The following PTPRD variants were observed in gnomAD, a reference collection of about 807,000 sequenced individuals.
PTPRD encodes the protein protein tyrosine phosphatase receptor type D, also known as receptor-type tyrosine-protein phosphatase delta.
Under a neutral mutation model 214.5 loss-of-function variants are expected in PTPRD, and 34 were observed. The ratio of observed to expected loss-of-function variants is 0.16; its 90% CI spans 0.12 to 0.21. PTPRD has a LOEUF of 0.21. Among genes scored for constraint, PTPRD ranks in the 10% least tolerant of loss-of-function variants. The pLI, the probability that PTPRD is intolerant of heterozygous loss-of-function variation, is 1.00. For missense variants in PTPRD, 2,545 were observed against 2,398.7 expected, an observed-to-expected ratio of 1.06 and a Z score of -1.27; for synonymous variants, 1,128 against 845.7, an observed-to-expected ratio of 1.33 and a Z score of -5.79.
intron 9 of PTPRD, among the ~76,000 whole-genome samples, chr9:9,373,436 T>A (rs867809621): frequency 6.6e-6 from 1 of 152,100 alleles, no homozygotes; most frequent in African/African-American, 2.4e-5. Context: ...ATTAGTGGCT[T>A]AAAGCAATAG....
At position 8,485,784 on chromosome 9, in the gene PTPRD, G is replaced by C. The variant is rs2096989345; in HGVS notation, c.3033C>G (p.Phe1011Leu). ...GPGPYSPSVQ[F>L]RTLPVDQVFA... ...TACCTTGATCCACAGGCAGTGTCCT[G>C]AACTGGACACTGGGACTATATGGCC... The change falls in exon 28 of 46, where the codon TTC (phenylalanine) becomes TTG (leucine). Residue 1011 changes from phenylalanine to leucine, a missense_variant. Phe to Leu is a conservative substitution (Grantham distance 22). Transcript: ENST00000381196. 1 of 1,613,342 alleles carries C rather than the reference G, an allele frequency of 6.2e-7. No individual in the cohort carries two copies. The highest frequency in any genetic ancestry group is 8.5e-7 in the Non-Finnish European group (1 of 1,179,882).
intron 10 of PTPRD, among the ~76,000 whole-genome samples, chr9:9,110,118 T>C (rs926017776): frequency 6.6e-6 from 1 of 152,146 alleles, no homozygotes; most frequent in Non-Finnish European, 1.5e-5. Flanking sequence ...AGGAATCGTA[T>C]TGTAGTCTCA....
At chr9:9,718,328 A>G (rs919767128) in intron 7 of PTPRD, among the ~76,000 whole-genome samples, 3 of 152,230 alleles carry the variant, frequency 2.0e-5, no homozygotes, top group African/African-American at 7.2e-5. Context: ...GAAGTAAAAA[A>G]TAAACACTGA....
chr9:9,045,296 G>A (rs1221752937), intron 10 of PTPRD, among the ~76,000 whole-genome samples: 1 of 152,154 alleles, frequency 6.6e-6, no homozygotes, highest in African/African-American at 2.4e-5. Context: ...ATTAGAGGAT[G>A]CTCTTCATTC....
intron 5 of PTPRD, among the ~76,000 whole-genome samples, chr9:9,792,720 T>C (rs562947198): frequency 6.6e-6 from 1 of 152,268 alleles, no homozygotes; most frequent in East Asian, 1.9e-4. Context: ...AAAATCAGAA[T>C]GCAAATGGCC....
chr9:8,521,678 A>C, intron 19 of PTPRD, 132 bp from the exon 20 acceptor site: 1 of 991,724 alleles, frequency 1.0e-6, no homozygotes, highest in Non-Finnish European at 1.5e-6. Flanking sequence ...ACAAAACATA[A>C]AGAAAAACTG....
chr9:9,283,376 T>G (rs773900959), intron 9 of PTPRD, among the ~76,000 whole-genome samples: 7 of 151,548 alleles, frequency 4.6e-5, no homozygotes, highest in Non-Finnish European at 8.9e-5. Context: ...AGATCTTTCA[T>G]TTCCCAGGAG....
At chr9:9,902,057 G>T (rs2076525655) in intron 5 of PTPRD, among the ~76,000 whole-genome samples, 1 of 152,094 alleles carries the variant, frequency 6.6e-6, no homozygotes, top group African/African-American at 2.4e-5. Flanking sequence ...AATAGGTCTG[G>T]TAAATACCTA....
At chr9:9,666,472 C>T (rs1443319575) in intron 7 of PTPRD, among the ~76,000 whole-genome samples, 1 of 151,890 alleles carries the variant, frequency 6.6e-6, no homozygotes. Context: ...GTTTGTGTGG[C>T]TTTTACTTTC....
intron 4 of PTPRD, among the ~76,000 whole-genome samples, chr9:10,013,088 A>G (rs1397376200): frequency 1.3e-5 from 2 of 151,956 alleles, no homozygotes; most frequent in Non-Finnish European, 2.9e-5. Context: ...CTTCAATTAC[A>G]CAAATTCAAA....
intron 39 of PTPRD, among the ~76,000 whole-genome samples, chr9:8,350,125 G>T (rs193180238): frequency 5.2e-4 from 79 of 152,016 alleles, no homozygotes; most frequent in Non-Finnish European, 8.8e-4. Context: ...AGTTGAAACG[G>T]GCTTAATGTC....
chr9:8,816,938 C>T (rs919499920), intron 11 of PTPRD, among the ~76,000 whole-genome samples: 1 of 152,214 alleles, frequency 6.6e-6, no homozygotes, highest in African/African-American at 2.4e-5. Context: ...CAAACCTGTG[C>T]TTCAGATACA....
At chr9:9,400,695 G>A (rs186548229) in intron 8 of PTPRD, among the ~76,000 whole-genome samples, 98 of 152,058 alleles carry the variant, frequency 6.4e-4, no homozygotes, top group Non-Finnish European at 8.7e-4. Flanking sequence ...AGAGAAGAAG[G>A]AAGATACTGT....
intron 11 of PTPRD, among the ~76,000 whole-genome samples, chr9:8,763,259 C>T (rs1565878013): frequency 6.6e-6 from 1 of 152,134 alleles, no homozygotes; most frequent in Non-Finnish European, 1.5e-5. Flanking sequence ...TGCCTGTAAT[C>T]CCAGCACTTT....
At chr9:9,908,322 G>A (rs1407861519) in intron 5 of PTPRD, among the ~76,000 whole-genome samples, 1 of 151,916 alleles carries the variant, frequency 6.6e-6, no homozygotes, top group Non-Finnish European at 1.5e-5. Context: ...GGTATAAAGG[G>A]GGAGTGTCAA....
chr9:9,113,663 C>G (rs979754075), intron 10 of PTPRD, among the ~76,000 whole-genome samples: 1 of 152,048 alleles, frequency 6.6e-6, no homozygotes, highest in Non-Finnish European at 1.5e-5. Flanking sequence ...TCAATCATAC[C>G]TCTGCATCTG....
At chr9:8,935,267 A>G (rs185606616) in intron 11 of PTPRD, among the ~76,000 whole-genome samples, 1 of 152,342 alleles carries the variant, frequency 6.6e-6, no homozygotes, top group African/African-American at 2.4e-5. Flanking sequence ...TGCAGAATAC[A>G]AAATCAGTAT....
At chr9:8,639,118 G>A (rs2096516696) in intron 12 of PTPRD, among the ~76,000 whole-genome samples, 3 of 152,204 alleles carry the variant, frequency 2.0e-5, no homozygotes, top group Admixed American at 2.0e-4. Flanking sequence ...TGGGATTACA[G>A]GCGTGAGCCA....
chr9:9,857,284 G>A (rs969339451), intron 5 of PTPRD, among the ~76,000 whole-genome samples: 3 of 152,118 alleles, frequency 2.0e-5, no homozygotes, highest in African/African-American at 7.2e-5. Flanking sequence ...AATTCTCTGA[G>A]TTCTTGTTAC....
Sources: allele counts gnomAD v4.1 joint callset (sites outside exome capture counted in the v4.1 genomes callset), GRCh38; gene constraint gnomAD v4.1.1; transcripts MANE v1.5; gene names NCBI Gene and HGNC (gene_info 2026-07-23, HGNC 2026-07-21).